Variants in FMNL1 observed in about 807,000 individuals in gnomAD.
FMNL1 encodes formin-like protein 1.
A neutral mutation model predicts 121.3 loss-of-function variants in FMNL1; 43 were observed. The observed-to-expected ratio is 0.35, with a 90% CI of 0.28 to 0.46. The LOEUF (loss-of-function observed/expected upper bound fraction) is 0.46. Among genes scored for constraint, FMNL1 ranks in the 20% least tolerant of loss-of-function variants. The pLI is 1.00. For missense variants in FMNL1, 1,191 were observed against 1,482.4 expected, an observed-to-expected ratio of 0.80 and a Z score of 3.23; for synonymous variants, 613 against 613.5, an observed-to-expected ratio of 1.00 and a Z score of 0.01.
rs370782903 is a variant in FMNL1 at position 45,230,348 on chromosome 17, G to C, written c.130-256G>C. 2.4e-4 allele frequency among the ~76,000 whole-genome samples: 37 copies of C among 152,262 alleles called. No individual in the cohort carries two copies. In the East Asian group the frequency reaches 7.1e-3, roughly 29 times the overall value. ...ACCAGGCAGGCCAGGGAGGCGGTGT[G>C]GGGGGTGACACAGCGCAGGCAGACT... is the stretch of plus-strand genomic sequence containing the variant. On this transcript the variant is annotated intron_variant, in intron 1 of 26. Coordinates refer to ENST00000331495, the MANE Select transcript of FMNL1 (RefSeq NM_005892.4).
Position 45,234,195 on chromosome 17 carries a change from C to G in FMNL1, c.609C>G (p.Thr203=), listed in dbSNP as rs369158547. The G allele has an allele frequency of 4.3e-6, 7 of 1,614,134 alleles. No homozygotes were observed. In the African/African-American group the frequency reaches 9.3e-5, roughly 22 times the overall value. Residue 203 remains threonine, a synonymous_variant, in exon 6 of 27, where the codon ACC becomes ACG. Transcript: ENST00000331495. ...CCGTGCCCAAAAGCCGCCACCTGAC[C>G]ATCAAGTATGTGGGCCACAAAGTGG... ...PSSVPKSRHL[T]IKLTPAHSRK...
In FMNL1 at chr17:45,243,205, G is replaced by A; in HGVS notation, c.2098G>A (p.Ala700Thr). The change falls in exon 17 of 27, where the codon GCC becomes ACC. Residue 700 changes from alanine to threonine, a missense_variant. Physicochemically the swap from Ala to Thr is moderately conservative, Grantham distance 58. Transcript: ENST00000331495. ...CCTCAGCGCTCTCAAGAGTAAGGCAGCCCAGAAGGCCCCCAGCAAGGCGAC... is the reference window on the plus strand; with the variant it reads ...CCTCAGCGCTCTCAAGAGTAAGGCAACCCAGAAGGCCCCCAGCAAGGCGAC... Reference protein sequence around the residue: ...LDLSALKSKAAQKAPSKATLI... With the variant: ...LDLSALKSKATQKAPSKATLI... 2 of 1,614,216 alleles carry A rather than the reference G, an allele frequency of 1.2e-6. No homozygotes were observed. The highest frequency in any genetic ancestry group is 8.5e-7 in the Non-Finnish European group (1 of 1,180,038).
chr17:45,246,296 C>G lies in FMNL1; in HGVS notation c.3177C>G (p.Ser1059Arg). 1 of 1,613,994 alleles carries G rather than the reference C, an allele frequency of 6.2e-7. No individual in the cohort carries two copies. Among genetic ancestry groups the G allele is most frequent in the South Asian group, 1.1e-5 (1 of 91,084 alleles). ...RQQKEPLIYE[S>R]DRDGAIEDII... is the part of the protein sequence containing the mutation. ...AGAAGGAGCCACTCATTTATGAGAG[C>G]GACCGTGATGGGGCCATTGAAGACA... The change falls in exon 25 of 27, where the codon AGC (serine) becomes AGG (arginine). Residue 1059 changes from serine to arginine, a missense_variant. Ser to Arg is a moderately radical substitution (Grantham distance 110, BLOSUM62 -1). Around this residue, in one of 4 missense-constraint regions of FMNL1, gnomAD observed 367 missense variants for 528.6 expected, o/e 0.69. Coordinates refer to ENST00000331495, the MANE Select transcript of FMNL1 (RefSeq NM_005892.4).
Position 45,237,759 on chromosome 17 carries a change from C to A in FMNL1, c.894+120C>A, listed in dbSNP as rs573764947. 9.2e-7 allele frequency: 1 copy of A among 1,087,800 alleles called. No homozygotes were observed. The allele number at this position is 1,087,800 out of a possible 1,614,324, so 67.4% of individuals were successfully genotyped here. On this transcript the variant is annotated intron_variant, in intron 9 of 26. Transcript: ENST00000331495. This position sits in a 1 kb window ranked among gnomAD's most constrained non-coding sequence, Gnocchi z 4.4. ...GGACATTGGGTGGGCATTTGGGGAA[C>A]GCCCAAAAGTTGAAGTTGAGCCACA...
chr17:45,233,223 G>T lies in FMNL1; in HGVS notation c.328-1G>T. 6.4e-7 allele frequency: 1 copy of T among 1,555,620 alleles called. No individual in the cohort carries two copies. The highest frequency in any genetic ancestry group is 8.7e-7 in the Non-Finnish European group (1 of 1,149,348). On this transcript the variant is annotated splice_acceptor_variant, in intron 3 of 26. Transcript: ENST00000331495. LOFTEE classifies it high-confidence loss of function. The surrounding 1 kb of genome is among the most constrained non-coding windows in gnomAD (Gnocchi z 4.1). ...CAGCCTTCCCTGTTCTCGGTCCCCA[G>T]TTTAAGAGGCGAGTTCAGGAGTCCA...
chr17:45,225,177 G>A (rs1008471797), intron 1 of FMNL1, among the ~76,000 whole-genome samples: 1 of 152,266 alleles, frequency 6.6e-6, no homozygotes, highest in Non-Finnish European at 1.5e-5. Flanking sequence ...GAATTTGCCT[G>A]ATGGGTGCTC....
At chr17:45,239,199 C>G in intron 11 of FMNL1, 134 bp downstream of exon 11, 1 of 688,548 alleles carries the variant, frequency 1.5e-6, no homozygotes, top group Non-Finnish European at 2.6e-6. Context: ...GCCGTGTGAC[C>G]TTGGATAGGC....
At position 45,231,592 on chromosome 17, in the gene FMNL1, G is replaced by A. The variant is rs1430664023; in HGVS notation, c.214-775G>A. 6.6e-6 allele frequency among the ~76,000 whole-genome samples: 1 copy of A among 152,176 alleles called. No homozygotes were observed. The highest frequency in any genetic ancestry group is 2.4e-5 in the African/African-American group (1 of 41,430). Reference sequence around the variant, plus strand: ...CTGAGGGGTGGCTCGGCGAATCTGAGGGGTTTGGGTTGGAAGGGTGGGGGC... The same window carrying A: ...CTGAGGGGTGGCTCGGCGAATCTGAAGGGTTTGGGTTGGAAGGGTGGGGGC... On this transcript the variant is annotated intron_variant, in intron 2 of 26. Transcript: ENST00000331495. The surrounding 1 kb of genome is among the most constrained non-coding windows in gnomAD (Gnocchi z 4.7).
At chr17:45,232,044 C>T (rs988200159) in intron 2 of FMNL1, among the ~76,000 whole-genome samples, 8 of 152,128 alleles carry the variant, frequency 5.3e-5, no homozygotes, top group Non-Finnish European at 7.4e-5. Flanking sequence ...CGTGGTGGTG[C>T]ACACCCGTAG....
At position 45,246,347 on chromosome 17, in the gene FMNL1, GC is replaced by G. The variant is rs779323402; in HGVS notation, c.3211+19del. 2 of 1,613,956 alleles carry G rather than the reference GC, an allele frequency of 1.2e-6. No individual in the cohort carries two copies. Among genetic ancestry groups the G allele is most frequent in the African/African-American group, 2.7e-5 (2 of 74,932 alleles). On this transcript the variant is annotated intron_variant, in intron 25 of 26. Coordinates refer to ENST00000331495, the MANE Select transcript of FMNL1 (RefSeq NM_005892.4). The stretch of plus-strand genomic sequence containing the variant: ...TCATCACAGGTAAGGGCTTGGCCAG[GC>G]CTTGGTCTTATCCTCAGTCTGTCCT...
At position 45,233,935 on chromosome 17, in the gene FMNL1, C is replaced by A; in HGVS notation, c.486-137C>A. 1 of 1,388,736 alleles carries A rather than the reference C, an allele frequency of 7.2e-7. No individual in the cohort carries two copies. The highest frequency in any genetic ancestry group is 9.7e-7 in the Non-Finnish European group (1 of 1,030,630). The allele number at this position is 1,388,736 out of a possible 1,614,324, so 86.0% of individuals were successfully genotyped here. On this transcript the variant is annotated intron_variant, in intron 5 of 26. Transcript: ENST00000331495. This position sits in a 1 kb window ranked among gnomAD's most constrained non-coding sequence, Gnocchi z 4.1. ...GCCTCTCTTCCACCACTATGTTCAGCACAGTGCCAAGAACACAGCCTCCTC... is the reference window on the plus strand; with the variant it reads ...GCCTCTCTTCCACCACTATGTTCAGAACAGTGCCAAGAACACAGCCTCCTC...
intron 1 of FMNL1, among the ~76,000 whole-genome samples, chr17:45,227,364 C>T (rs913694477): frequency 6.6e-6 from 1 of 151,974 alleles, no homozygotes; most frequent in African/African-American, 2.4e-5. Context: ...GGGCTCTTAG[C>T]AGTGTCTTTT....
chr17:45,222,284 G>T (rs1354020986), intron 1 of FMNL1, 31 bp downstream of exon 1: 2 of 1,162,866 alleles, frequency 1.7e-6, no homozygotes, highest in South Asian at 4.2e-5. Flanking sequence ...GGTCGGGCGC[G>T]GGCGGGGGGC....
chr17:45,246,871 G>A lies in FMNL1; in HGVS notation c.*13G>A. The stretch of plus-strand genomic sequence containing the variant: ...TGTGTCTCCTTCGGCTGCCAGATCT[G>A]CGGAACCAGCCCTACATCCGCGCAG... On this transcript the variant is annotated 3_prime_UTR_variant, in exon 27 of 27. Coordinates refer to ENST00000331495, the MANE Select transcript of FMNL1 (RefSeq NM_005892.4). 1.4e-6 allele frequency: 1 copy of A among 740,160 alleles called. No homozygotes were observed. The highest frequency in any genetic ancestry group is 1.4e-5 in the South Asian group (1 of 70,588). 45.8% of individuals were successfully genotyped at this position (740,160 alleles called of 1,614,324 possible). A position where few individuals can be genotyped will look rare whatever the true frequency, so the allele number is the denominator to read the frequency against.
intron 12 of FMNL1, 189 bp downstream of exon 12, chr17:45,240,814 G>A (rs1242147334): frequency 3.5e-6 from 3 of 856,600 alleles, no homozygotes; most frequent in African/African-American, 1.7e-5. Context: ...TTCTCAATGA[G>A]TGTGGGTGAG....
intron 19 of FMNL1, 74 bp downstream of exon 19, chr17:45,244,318 C>T (rs1396178879): frequency 5.4e-6 from 8 of 1,480,438 alleles, no homozygotes; most frequent in Non-Finnish European, 6.5e-6. Flanking sequence ...GCCCTGCTCA[C>T]CTGCAATGCA....
At chr17:45,230,776 G>A (rs182426238) in intron 2 of FMNL1, 89 bp downstream of exon 2, 101 of 1,363,406 alleles carry the variant, frequency 7.4e-5, no homozygotes, top group East Asian at 1.4e-4. Flanking sequence ...GAGGGGCACC[G>A]CCATACTGCC....
Position 45,247,029 on chromosome 17 carries a change from A to C in FMNL1, c.*171A>C. On this transcript the variant is annotated 3_prime_UTR_variant, in exon 27 of 27. Transcript: ENST00000331495. ...TGGGGCCGTGGACAGGCTGAGGCTC[A>C]AGGAAGGTGGTCCTCAGCTCGGCTG... is the stretch of plus-strand genomic sequence containing the variant. 1 of 662,368 alleles carries C rather than the reference A, an allele frequency of 1.5e-6. No individual in the cohort carries two copies. The highest frequency in any genetic ancestry group is 2.8e-6 in the Non-Finnish European group (1 of 358,046). The allele number at this position is 662,368 out of a possible 1,614,324, so 41.0% of individuals were successfully genotyped here.
intron 16 of FMNL1, among the ~76,000 whole-genome samples, chr17:45,242,917 C>T (rs1172168017): frequency 1.3e-5 from 2 of 152,174 alleles, no homozygotes; most frequent in Admixed American, 1.3e-4. Context: ...AGTCTGGATC[C>T]CCCGGGTTAG....
Sources: allele counts gnomAD v4.1 joint callset (sites outside exome capture counted in the v4.1 genomes callset), GRCh38; gene constraint gnomAD v4.1.1; regional missense constraint gnomAD v4.1.1; non-coding constraint Gnocchi (gnomAD v3.1); transcripts MANE v1.5; gene names NCBI Gene and HGNC (gene_info 2026-07-23, HGNC 2026-07-21).